The following MFGE8 variants were observed in gnomAD, a reference collection of about 807,000 sequenced individuals.
MFGE8 encodes the protein lactadherin.
In MFGE8, 34 loss-of-function variants were observed where a neutral mutation model predicts 42.6. The ratio of observed to expected loss-of-function variants is 0.80; its 90% CI spans 0.61 to 1.06. MFGE8 has a LOEUF of 1.06. Ranked by LOEUF, MFGE8 falls within the 50% of genes least tolerant of loss-of-function variation. The pLI is 0.00. For missense variants in MFGE8, 510 were observed against 516.9 expected (o/e 0.99, Z 0.13); for synonymous variants, 230 against 214.8 (o/e 1.07, Z -0.62).
In MFGE8 at chr15:88,907,293, C is replaced by A. The variant is rs553872983; in HGVS notation, c.289G>T (p.Gly97Cys). 1.9e-6 allele frequency: 3 copies of A among 1,614,204 alleles called. No homozygotes were observed. The highest frequency in any genetic ancestry group is 4.5e-5 in the East Asian group (2 of 44,878). The change falls in exon 3 of 8, where the codon GGT becomes TGT. Residue 97 changes from glycine (G) to cysteine (C), a missense_variant. Transcript: ENST00000268150. The part of the protein sequence containing the change: ...AASSVRVTFL[G>C]LQHWVPELAR... ...AGCTCCGGGACCCAATGCTGCAAAC[C>A]CAAGAAGGTCACACGCACAGACGAG...
intron 3 of MFGE8, 107 bp downstream of exon 3, chr15:88,907,088 G>A: frequency 7.2e-7 from 1 of 1,391,370 alleles, no homozygotes; most frequent in South Asian, 1.2e-5. Flanking sequence ...CTGTTACCTT[G>A]CCACCTGAAC....
intron 2 of MFGE8, among the ~76,000 whole-genome samples, chr15:88,908,839 A>G (rs1898820759): frequency 1.3e-5 from 2 of 152,064 alleles, no homozygotes; most frequent in Non-Finnish European, 2.9e-5. Flanking sequence ...AAGGCATCCT[A>G]CTCACTTGAC....
chr15:88,899,296 T>TTCCCCAG lies in MFGE8; in HGVS notation c.*92_*98dup, dbSNP rs893982814. 6.5e-7 allele frequency: 1 copy of TTCCCCAG among 1,539,788 alleles called. No individual in the cohort carries two copies. The highest frequency in any genetic ancestry group is 8.8e-7 in the Non-Finnish European group (1 of 1,131,860). On this transcript the variant is annotated 3_prime_UTR_variant, in exon 8 of 8. Transcript: ENST00000268150. The surrounding 1 kb of genome is among the most constrained non-coding windows in gnomAD (Gnocchi z 6.8). ...GGTGCTGCCTCTGAACACCCTCCCC[T>TTCCCCAG]TCCCCAGTCCCCAGCCCTATGGTGA...
At chr15:88,912,817 G>A (rs1899030457) in intron 1 of MFGE8, 2 of 985,432 alleles carry the variant, frequency 2.0e-6, no homozygotes, top group South Asian at 9.4e-5. Context: ...CCAGCCAACT[G>A]GAGTTGGCAG....
In MFGE8 at chr15:88,907,303, C is replaced by T; in HGVS notation, c.279G>A (p.Val93=). 1 of 1,614,210 alleles carries T rather than the reference C, an allele frequency of 6.2e-7. No individual in the cohort carries two copies. The highest frequency in any genetic ancestry group is 1.1e-5 in the South Asian group (1 of 91,082). Residue 93 remains valine (V), a synonymous_variant, in exon 3 of 8, where the codon GTG becomes GTA. Coordinates refer to ENST00000268150, the MANE Select transcript of MFGE8 (RefSeq NM_005928.4). ...NSQIAASSVR[V]TFLGLQHWVP... is the part of the protein sequence containing the mutation. ...CCCAATGCTGCAAACCCAAGAAGGT[C>T]ACACGCACAGACGAGGCGGCGATCT...
Position 88,905,537 on chromosome 15 carries a change from A to G in MFGE8, c.685+220T>C, listed in dbSNP as rs1396520891. The G allele has an allele frequency of 1.4e-6, 1 of 703,956 alleles. No individual in the cohort carries two copies. The highest frequency in any genetic ancestry group is 2.0e-5 in the Admixed American group (1 of 49,816). 43.6% of individuals were successfully genotyped at this position (703,956 alleles called of 1,614,324 possible). ...GAAAACTGATGTCTTTTTCTCTATC[A>G]ATCAGAATGCCCTGGGTCATGGGTT... On this transcript the variant is annotated intron_variant, in intron 5 of 7. Transcript: ENST00000268150. The surrounding 1 kb of genome is among the most constrained non-coding windows in gnomAD (Gnocchi z 6.6).
At chr15:88,912,951 G>A in intron 1 of MFGE8, 1 of 985,440 alleles carries the variant, frequency 1.0e-6, no homozygotes, top group Non-Finnish European at 1.2e-6. Flanking sequence ...CCAGGGAAAA[G>A]AGAGGCCCGA....
rs552920251 is a variant in MFGE8, at chr15:88,899,935, T to C, written c.871-124A>G. On this transcript the variant is annotated intron_variant, in intron 6 of 7. Transcript: ENST00000268150. This position sits in a 1 kb window ranked among gnomAD's most constrained non-coding sequence, Gnocchi z 6.8. ...ACTACTTGGGTGAGCCTCAGTTTCT[T>C]TGGCTATAAAATGGGCATAAGGCCG... 3 of 1,195,706 alleles carry C rather than the reference T, an allele frequency of 2.5e-6. No homozygotes were observed. In the Admixed American group the frequency reaches 5.9e-5, roughly 24 times the overall value. The allele number at this position is 1,195,706 out of a possible 1,614,324, so 74.1% of individuals were successfully genotyped here.
intron 1 of MFGE8, chr15:88,910,188 A>C: frequency 2.4e-6 from 1 of 414,770 alleles, no homozygotes; most frequent in Non-Finnish European, 4.5e-6. Flanking sequence ...CTGGCTGACA[A>C]TGGCAGTGGT....
In MFGE8 at chr15:88,907,235, G is replaced by A. The variant is rs1463183159; in HGVS notation, c.347C>T (p.Ala116Val). Residue 116 changes from alanine (A) to valine (V), a missense_variant, in exon 3 of 8, where the codon GCC (alanine) becomes GTC (valine). Ala to Val is a moderately conservative substitution (Grantham distance 64). Transcript: ENST00000268150. ...ARLNRAGMVN[A>V]WTPSSNDDNP... ...ATCGTCATTGCTGCTGGGTGTCCAG[G>A]CATTGACCATGCCTGCGCGGTTCAG... is the stretch of plus-strand genomic sequence containing the variant. The A allele has an allele frequency of 1.2e-6, 2 of 1,614,054 alleles. No individual in the cohort carries two copies.
At chr15:88,913,225 G>C (rs978746661) in intron 1 of MFGE8, 22 bp downstream of exon 1, 14 of 1,497,536 alleles carry the variant, frequency 9.3e-6, no homozygotes, top group Non-Finnish European at 1.2e-5. Context: ...GCGAGGGGCA[G>C]AGGGCGGCGC....
chr15:88,911,989 CACAG>C (rs1371130545), intron 1 of MFGE8: 5 of 610,890 alleles, frequency 8.2e-6, no homozygotes, highest in African/African-American at 3.8e-5. Context: ...CGAGCATTGA[CACAG>C]ACAGAGGCTT....
chr15:88,899,898 G>A lies in MFGE8; in HGVS notation c.871-87C>T. The A allele has an allele frequency of 6.5e-7, 1 of 1,537,658 alleles. No individual in the cohort carries two copies. The highest frequency in any genetic ancestry group is 8.9e-7 in the Non-Finnish European group (1 of 1,120,650). The stretch of plus-strand genomic sequence containing the variant: ...CAGACACACTGAGGCATGAATTCTA[G>A]TTTTGAAAAAAACTACTTGGGTGAG... On this transcript the variant is annotated intron_variant, in intron 6 of 7. Coordinates refer to ENST00000268150, the MANE Select transcript of MFGE8 (RefSeq NM_005928.4). This position sits in a 1 kb window ranked among gnomAD's most constrained non-coding sequence, Gnocchi z 6.8.
At chr15:88,907,706 T>TA (rs1555414369) in intron 2 of MFGE8, among the ~76,000 whole-genome samples, 1 of 147,672 alleles carries the variant, frequency 6.8e-6, no homozygotes, top group Non-Finnish European at 1.5e-5. Flanking sequence ...GAAAGTAGAG[T>TA]CCCCCCCGCC....
rs1389779045 is a variant in MFGE8, at chr15:88,913,312, C to A, written c.8G>T (p.Arg3Leu). The change falls in exon 1 of 8, where the codon CGC becomes CTC. Residue 3 changes from arginine (R) to leucine (L), a missense_variant. By Grantham distance (102) the Arg-to-Leu change is moderately radical. Transcript: ENST00000268150. Reference protein sequence around the residue: MPRPRLLAALCGA... With the variant: MPLPRLLAALCGA... ...GCACAGCGCGGCCAGCAGGCGGGGG[C>A]GCGGCATGCTGCGGGGACGCGGGCG... 2.1e-6 allele frequency: 3 copies of A among 1,455,532 alleles called. No homozygotes were observed. The highest frequency in any genetic ancestry group is 2.7e-6 in the Non-Finnish European group (3 of 1,114,764). The allele number at this position is 1,455,532 out of a possible 1,614,324, so 90.2% of individuals were successfully genotyped here.
At position 88,903,736 on chromosome 15, in the gene MFGE8, C is replaced by T. The variant is rs60071156; in HGVS notation, c.686-2001G>A. On this transcript the variant is annotated intron_variant, in intron 5 of 7. Coordinates refer to ENST00000268150, the MANE Select transcript of MFGE8 (RefSeq NM_005928.4). The surrounding 1 kb of genome is among the most constrained non-coding windows in gnomAD (Gnocchi z 4.9). ...ATCTCCTGACCTCAGGTGATCCGCT[C>T]GCCTCGGCCTCCCAAAGTGCTGGGA... The T allele has an allele frequency of 0.02, 3,040 of 152,350 alleles. 92 individuals are homozygous for T. The highest frequency in any genetic ancestry group is 0.068 in the African/African-American group (2,837 of 41,544). The allele number at this position is 152,350 out of a possible 1,614,324, so 9.4% of individuals were successfully genotyped here. A position where few individuals can be genotyped will look rare whatever the true frequency, so the allele number is the denominator to read the frequency against.
chr15:88,907,487 G>T, intron 2 of MFGE8, 111 bp from the exon 3 acceptor site: 1 of 972,652 alleles, frequency 1.0e-6, no homozygotes, highest in Non-Finnish European at 1.6e-6. Flanking sequence ...AAGCCCCAGG[G>T]CCAGGGAGAA....
chr15:88,900,147 C>T (rs1437347958), intron 6 of MFGE8, among the ~76,000 whole-genome samples: 3 of 150,628 alleles, frequency 2.0e-5, no homozygotes, highest in Non-Finnish European at 2.9e-5. Flanking sequence ...GAGGCTGAGT[C>T]AGAAGAACCG....
intron 1 of MFGE8, chr15:88,912,974 C>T (rs192944573): frequency 0.015 from 14,731 of 985,450 alleles, 127 homozygotes; most frequent in Non-Finnish European, 0.017. Context: ...CAGCGGATTC[C>T]TTTGTCATTA....
Sources: gnomAD v4.1 joint callset for allele counts (sites outside exome capture counted in the v4.1 genomes callset) on GRCh38, gnomAD v4.1.1 for gene constraint, Gnocchi (gnomAD v3.1) non-coding constraint, MANE v1.5 for transcripts, NCBI Gene and HGNC (gene_info 2026-07-23, HGNC 2026-07-21) for gene names.